Variants in ABHD11 observed in about 807,000 individuals in gnomAD.
ABHD11 encodes the protein abhydrolase domain containing 11.
A neutral mutation model predicts 29.0 loss-of-function variants in ABHD11; 26 were observed. That is an observed-to-expected ratio of 0.90 (90% CI 0.66 to 1.24). The LOEUF is 1.24. Among genes scored for constraint, ABHD11 ranks in the 50% most tolerant of loss-of-function variants. ABHD11 has a pLI of 0.00. For missense variants in ABHD11, 381 were observed against 422.4 expected (o/e 0.90, Z 0.86); for synonymous variants, 169 against 166.4 (o/e 1.02, Z -0.12).
At position 73,736,915 on chromosome 7, in the gene ABHD11, C is replaced by A. The variant is rs947867979; in HGVS notation, c.788+14G>T. On this transcript the variant is annotated intron_variant, in intron 5 of 5. Coordinates refer to ENST00000222800, the MANE Select transcript of ABHD11 (RefSeq NM_148912.4). The stretch of plus-strand genomic sequence containing the variant: ...GAGTAAAGCATGCCCCTCCTACTAC[C>A]CAGGCTAGCTTACTGCACGAACTGG... The A allele has an allele frequency of 5.8e-5, 94 of 1,611,330 alleles. No homozygotes were observed. The highest frequency in any genetic ancestry group is 7.8e-5 in the Non-Finnish European group (92 of 1,179,074).
chr7:73,736,830 G>C, intron 5 of ABHD11, 99 bp downstream of exon 5: 4 of 1,571,388 alleles, frequency 2.5e-6, no homozygotes, highest in Non-Finnish European at 3.5e-6. Context: ...TGGCCTCTCA[G>C]CCACCCCCCT....
Position 73,736,965 on chromosome 7 carries a change from G to A in ABHD11, c.752C>T (p.Thr251Ile). The A allele has an allele frequency of 1.2e-6, 2 of 1,613,892 alleles. No individual in the cohort carries two copies. The highest frequency in any genetic ancestry group is 1.3e-5 in the African/African-American group (1 of 75,050). ...GGAGTTTCCACCAAGGAGAAAGAGT[G>A]TTGGCCCGAGGTAGGACTCCTGCCT... is the stretch of plus-strand genomic sequence containing the variant. ...PQRQESYLGP[T>I]LFLLGGNSQF... The change falls in exon 5 of 6, where the codon ACA (threonine) becomes ATA (isoleucine). Residue 251 changes from threonine (T) to isoleucine (I), a missense_variant. Transcript: ENST00000222800.
At position 73,738,774 on chromosome 7, in the gene ABHD11, T is replaced by G. The variant is rs1554623127; in HGVS notation, c.-4A>C. 2 of 1,602,714 alleles carry G rather than the reference T, an allele frequency of 1.2e-6. No individual in the cohort carries two copies. The highest frequency in any genetic ancestry group is 1.7e-5 in the Admixed American group (1 of 58,114). On this transcript the variant is annotated 5_prime_UTR_variant, in exon 1 of 6. Transcript: ENST00000222800. ...AGGCTCGGGTCCAGCGGAGCATGCTTGCAAGCTGTTGGCCGGCTCGCATCT... is the reference window on the plus strand; with the variant it reads ...AGGCTCGGGTCCAGCGGAGCATGCTGGCAAGCTGTTGGCCGGCTCGCATCT...
chr7:73,736,654 G>A lies in ABHD11; in HGVS notation c.826C>T (p.Arg276Trp), dbSNP rs148088823. 3.0e-5 allele frequency: 48 copies of A among 1,613,890 alleles called. No homozygotes were observed. The highest frequency in any genetic ancestry group is 2.1e-4 in the African/African-American group (16 of 74,912). Residue 276 changes from arginine (R) to tryptophan (W), a missense_variant, in exon 6 of 6, where the codon CGG becomes TGG. Arg to Trp is a moderately radical substitution (Grantham distance 101). Transcript: ENST00000222800. Reference protein sequence around the residue: ...HHPEIMRLFPRAQMQTVPNAG... With the variant: ...HHPEIMRLFPWAQMQTVPNAG... ...TTCGGCACCGTCTGCATCTGGGCCC[G>A]AGGGAAGAGCCGCATAATCTCAGGG...
chr7:73,737,412 G>A, intron 3 of ABHD11, 21 bp from the exon 4 acceptor site: 1 of 1,603,678 alleles, frequency 6.2e-7, no homozygotes, highest in Non-Finnish European at 8.5e-7. Context: ...GAACCGAACT[G>A]GGACCAGTCT....
intron 1 of ABHD11, 22 bp downstream of exon 1, chr7:73,738,624 C>A: frequency 6.3e-7 from 1 of 1,584,290 alleles, no homozygotes; most frequent in African/African-American, 1.3e-5. Flanking sequence ...GGATGGCCTC[C>A]CGCCCGGTGC....
rs782188494 is a variant in ABHD11 at position 73,737,098 on chromosome 7, G to A, written c.619C>T (p.Arg207Trp). ...LSSVIQDMAV[R>W]QHLLTNLVEV... The stretch of plus-strand genomic sequence containing the variant: ...ACCAGGTTAGTGAGCAGGTGCTGCC[G>A]CACGGCCATGTCCTGTGGGGGTGCA... Residue 207 changes from arginine to tryptophan, a missense_variant, in exon 5 of 6, where the codon CGG becomes TGG. Arg to Trp is a moderately radical substitution (Grantham distance 101, BLOSUM62 -3). Coordinates refer to ENST00000222800, the MANE Select transcript of ABHD11 (RefSeq NM_148912.4). The A allele has an allele frequency of 1.4e-5, 23 of 1,613,720 alleles. No individual in the cohort carries two copies. The highest frequency in any genetic ancestry group is 6.6e-5 in the South Asian group (6 of 91,088).
At chr7:73,738,256 TGCCCCGCCTCCTCTCAG>T (rs1554622686) in intron 2 of ABHD11, 55 bp downstream of exon 2, 1 of 1,216,692 alleles carries the variant, frequency 8.2e-7, no homozygotes, top group Non-Finnish European at 1.2e-6. Flanking sequence ...GGACCCCCCC[TGCCCCGCCTCCTCTCAG>T]GCCCCGCCCA....
At chr7:73,738,138 G>C (rs1450091194) in intron 2 of ABHD11, 190 bp downstream of exon 2, 23 of 1,065,342 alleles carry the variant, frequency 2.2e-5, no homozygotes, top group Non-Finnish European at 2.4e-5. Context: ...AGCCCCGATG[G>C]AGATCTACAA....
chr7:73,738,547 C>G (rs886221020), intron 1 of ABHD11, 84 bp from the exon 2 acceptor site: 7 of 1,565,082 alleles, frequency 4.5e-6, no homozygotes, highest in Non-Finnish European at 6.1e-6. Flanking sequence ...GGGGAGAGGC[C>G]TGGGAGGTGA....
rs1468918417 is a variant in ABHD11, at chr7:73,736,628, G to A, written c.852C>T (p.Asn284=). 6.8e-6 allele frequency: 11 copies of A among 1,614,066 alleles called. No individual in the cohort carries two copies. The highest frequency in any genetic ancestry group is 2.2e-5 in the South Asian group (2 of 91,086). ...FPRAQMQTVP[N]AGHWIHADRP... The stretch of plus-strand genomic sequence containing the variant: ...GGTCAGCGTGGATCCAGTGGCCAGC[G>A]TTCGGCACCGTCTGCATCTGGGCCC... Residue 284 remains asparagine (N), a synonymous_variant, in exon 6 of 6, where the codon AAC becomes AAT. Transcript: ENST00000222800.
chr7:73,736,356 C>A lies in ABHD11; in HGVS notation c.*203G>T, dbSNP rs1799868301. On this transcript the variant is annotated 3_prime_UTR_variant, in exon 6 of 6. Coordinates refer to ENST00000222800, the MANE Select transcript of ABHD11 (RefSeq NM_148912.4). ...CAGGGTTCAAGTGATTCTCCTGCCT[C>A]AGCCTCCAGAGTAGCTGGGATTACA... 6.4e-6 allele frequency: 4 copies of A among 624,964 alleles called. No homozygotes were observed. Among genetic ancestry groups the A allele is most frequent in the Non-Finnish European group, 1.1e-5 (4 of 364,990 alleles). The allele number at this position is 624,964 out of a possible 1,614,324, so 38.7% of individuals were successfully genotyped here.
In ABHD11 at chr7:73,737,675, C is replaced by T. The variant is rs772891991; in HGVS notation, c.322G>A (p.Glu108Lys). 3.7e-6 allele frequency: 6 copies of T among 1,613,988 alleles called. No homozygotes were observed. The highest frequency in any genetic ancestry group is 2.7e-5 in the African/African-American group (2 of 74,942). ...DSPHSPDMSY[E>K]IMSQDLQDLL... ...TCCTGCAGGTCCTGGCTCATGATCTCGTAGCTCATGTCTGGGCTGTGGGGG... is the reference window on the plus strand; with the variant it reads ...TCCTGCAGGTCCTGGCTCATGATCTTGTAGCTCATGTCTGGGCTGTGGGGG... The change falls in exon 3 of 6, where the codon GAG becomes AAG. Residue 108 changes from glutamate (E) to lysine (K), a missense_variant. By Grantham distance (56) the Glu-to-Lys change is moderately conservative. Coordinates refer to ENST00000222800, the MANE Select transcript of ABHD11 (RefSeq NM_148912.4).
At chr7:73,737,173 G>A (rs367955809) in intron 4 of ABHD11, 48 bp downstream of exon 4, 14 of 1,613,550 alleles carry the variant, frequency 8.7e-6, no homozygotes, top group Non-Finnish European at 1.2e-5. Context: ...CTCTTCCCTT[G>A]ACAGGTCCTG....
intron 2 of ABHD11, 109 bp downstream of exon 2, chr7:73,738,219 G>A: frequency 6.8e-7 from 1 of 1,462,380 alleles, no homozygotes; most frequent in African/African-American, 1.4e-5. Flanking sequence ...CTCAGAGTGA[G>A]GGATCTGGAA....
Position 73,736,443 on chromosome 7 carries a change from T to C in ABHD11, c.*116A>G, listed in dbSNP as rs567115077. On this transcript the variant is annotated 3_prime_UTR_variant, in exon 6 of 6. Transcript: ENST00000222800. ...TTAGTAGAGACAGGGTTTCACCATGTTGGCCAGGCTGGTCTCCAACTCCTG... is the reference window on the plus strand; with the variant it reads ...TTAGTAGAGACAGGGTTTCACCATGCTGGCCAGGCTGGTCTCCAACTCCTG... The C allele has an allele frequency of 3.6e-6, 5 of 1,383,982 alleles. No homozygotes were observed. The highest frequency in any genetic ancestry group is 9.9e-7 in the Non-Finnish European group (1 of 1,009,386). 85.7% of individuals were successfully genotyped at this position (1,383,982 alleles called of 1,614,324 possible).
At position 73,738,341 on chromosome 7, in the gene ABHD11, T is replaced by G. The variant is rs782044754; in HGVS notation, c.248A>C (p.Gln83Pro). 3 of 1,471,092 alleles carry G rather than the reference T, an allele frequency of 2.0e-6. No individual in the cohort carries two copies. The highest frequency in any genetic ancestry group is 2.8e-6 in the Non-Finnish European group (3 of 1,090,834). The allele number at this position is 1,471,092 out of a possible 1,614,324, so 91.1% of individuals were successfully genotyped here. The change falls in exon 2 of 6, where the codon CAG (glutamine) becomes CCG (proline). Residue 83 changes from glutamine (Q) to proline (P), a missense_variant. Gln to Pro is a moderately conservative substitution (Grantham distance 76, BLOSUM62 -1). Transcript: ENST00000222800. ...TCGAAAGCTCACCCTACGGCCTGTC[T>G]GCTGGGCCAAGATCTTGGCGATGGA... is the stretch of plus-strand genomic sequence containing the variant. ...FNSIAKILAQ[Q>P]TGRRVLTVDA...
chr7:73,738,292 C>A, intron 2 of ABHD11, 36 bp downstream of exon 2: 1 of 1,567,914 alleles, frequency 6.4e-7, no homozygotes, highest in South Asian at 1.1e-5. Flanking sequence ...CACTCCCGCC[C>A]AGCCCCAAAG....
chr7:73,736,525 C>T lies in ABHD11; in HGVS notation c.*34G>A. The T allele has an allele frequency of 6.2e-7, 1 of 1,611,116 alleles. No homozygotes were observed. ...AAAGTGCTGGAATTACAGGCATGAGCCACCACGCCCGGCCATCTTCTTGCC... is the reference window on the plus strand; with the variant it reads ...AAAGTGCTGGAATTACAGGCATGAGTCACCACGCCCGGCCATCTTCTTGCC... On this transcript the variant is annotated 3_prime_UTR_variant, in exon 6 of 6. Coordinates refer to ENST00000222800, the MANE Select transcript of ABHD11 (RefSeq NM_148912.4).
Sources: allele counts gnomAD v4.1 joint callset, GRCh38; gene constraint gnomAD v4.1.1; transcripts MANE v1.5; gene names NCBI Gene and HGNC (gene_info 2026-07-23, HGNC 2026-07-21).